The following SIPA1L2 variants were observed in gnomAD, a reference collection of about 807,000 sequenced individuals.
SIPA1L2 encodes signal induced proliferation associated 1 like 2, also known as signal-induced proliferation-associated 1-like protein 2.
SIPA1L2 carries 56 observed loss-of-function variants against 163.9 expected under a neutral mutation model. The observed-to-expected ratio is 0.34, with a 90% CI of 0.28 to 0.43. The LOEUF (loss-of-function observed/expected upper bound fraction) is 0.43. Among genes scored for constraint, SIPA1L2 ranks in the 20% least tolerant of loss-of-function variants. The pLI, the probability that SIPA1L2 is intolerant of heterozygous loss-of-function variation, is 1.00. For synonymous variants in SIPA1L2, 877 were observed against 865.7 expected (o/e 1.01, Z -0.23); for missense variants, 1,974 against 2,193.5 (o/e 0.90, Z 2.00).
At position 232,432,247 on chromosome 1, in the gene SIPA1L2, C is replaced by A; in HGVS notation, c.4256G>T (p.Gly1419Val). 1 of 1,613,168 alleles carries A rather than the reference C, an allele frequency of 6.2e-7. No homozygotes were observed. The highest frequency in any genetic ancestry group is 8.5e-7 in the Non-Finnish European group (1 of 1,179,798). ...PEEPEVTECP[G>V]MYSEMDVMST... Reference sequence around the variant, plus strand: ...AGAGAAGAACAGCCAGCCACCTTACCCGGGACATTCAGTCACTTCAGGCTC... The same window carrying A: ...AGAGAAGAACAGCCAGCCACCTTACACGGGACATTCAGTCACTTCAGGCTC... Residue 1419 changes from glycine (G) to valine (V), a missense_variant and splice_region_variant, in exon 16 of 23, where the codon GGG becomes GTG. Transcript: ENST00000674635.
At chr1:232,402,368 G>A in intron 22 of SIPA1L2, 24 bp downstream of exon 22, 1 of 1,603,358 alleles carries the variant, frequency 6.2e-7, no homozygotes, top group South Asian at 1.1e-5. Context: ...AAACAGTTCT[G>A]ATTATGCTCT....
intron 1 of SIPA1L2, among the ~76,000 whole-genome samples, chr1:232,586,059 C>T (rs1660639027): frequency 6.6e-6 from 1 of 152,170 alleles, no homozygotes; most frequent in Non-Finnish European, 1.5e-5. Flanking sequence ...ATTTACTTAG[C>T]TTGGCTTCAT....
At chr1:232,404,248 C>T (rs1487765819) in intron 19 of SIPA1L2, 70 bp from the exon 20 acceptor site, 7 of 1,430,452 alleles carry the variant, frequency 4.9e-6, no homozygotes, top group Non-Finnish European at 6.8e-6. Context: ...CGGGGGCCCA[C>T]AAAATGCGGC....
At chr1:232,414,764 A>G (rs76621989) in intron 19 of SIPA1L2, among the ~76,000 whole-genome samples, 3,091 of 152,352 alleles carry the variant, frequency 0.02, 51 homozygotes, top group Non-Finnish European at 0.03. Flanking sequence ...GCAAAACGTC[A>G]TAAGTCACGA....
rs187884605 is a variant in SIPA1L2 at position 232,514,484 on chromosome 1, A to T, written c.856T>A (p.Ser286Thr). Reference sequence around the variant, plus strand: ...TTTCGGAAGAGAGATGTTTCCACCGACTCTGATTTCAACCTCCGTTTGAAA... The same window carrying T: ...TTTCGGAAGAGAGATGTTTCCACCGTCTCTGATTTCAACCTCCGTTTGAAA... ...KPFKRRLKSESVETSLFRKLR... is the reference protein window; with the variant it reads ...KPFKRRLKSETVETSLFRKLR... The change falls in exon 3 of 23, where the codon TCG becomes ACG. Residue 286 changes from serine to threonine, a missense_variant. Ser to Thr is a moderately conservative substitution (Grantham distance 58). Transcript: ENST00000674635. 14 of 1,614,114 alleles carry T rather than the reference A, an allele frequency of 8.7e-6. No individual in the cohort carries two copies. In the Admixed American group the frequency reaches 2.3e-4, roughly 27 times the overall value.
intron 2 of SIPA1L2, among the ~76,000 whole-genome samples, chr1:232,572,676 TACACAC>T (rs72373419): frequency 6.6e-4 from 84 of 128,108 alleles, no homozygotes; most frequent in East Asian, 2.9e-3. Flanking sequence ...TATATATATA[TACACAC>T]ACATATACAT....
rs1664217689 is a variant in SIPA1L2, at chr1:232,461,186, GAT to G, written c.2821-27_2821-26del. ...TCTAAGGGGGAAGGAGACTGTTAGA[GAT>G]GCCCTTCCTGCCCAAGCTGCCATGG... On this transcript the variant is annotated intron_variant, in intron 9 of 22. Coordinates refer to ENST00000674635, the MANE Select transcript of SIPA1L2 (RefSeq NM_020808.5). The G allele has an allele frequency of 4.4e-6, 7 of 1,604,882 alleles. 1 individual carries two copies. The South Asian group carries it at 7.8e-5, about 18-fold the overall frequency.
rs1458067553 is a variant in SIPA1L2, at chr1:232,425,596, G to A, written c.4623C>T (p.Ser1541=). Residue 1541 remains serine (S), a synonymous_variant, in exon 18 of 23, where the codon AGC becomes AGT. Coordinates refer to ENST00000674635, the MANE Select transcript of SIPA1L2 (RefSeq NM_020808.5). ...AGCCAGCCCCTCACTTACTTCTCAG[G>A]CTCCCCATGCTGGGTGCGGGGTGGG... ...PRAHPAPSMG[S]LRNEFWFSDG... The A allele has an allele frequency of 9.5e-6, 15 of 1,579,698 alleles. No individual in the cohort carries two copies. Among genetic ancestry groups the A allele is most frequent in the Non-Finnish European group, 1.2e-5 (14 of 1,159,292 alleles).
intron 2 of SIPA1L2, among the ~76,000 whole-genome samples, chr1:232,547,882 G>C (rs2103126202): frequency 1.3e-5 from 2 of 152,236 alleles, no homozygotes; most frequent in Middle Eastern, 6.8e-3. Context: ...CCTGCAGAGT[G>C]TGGCTGACTG....
intron 1 of SIPA1L2, among the ~76,000 whole-genome samples, chr1:232,610,908 C>T (rs1440539120): frequency 6.6e-6 from 1 of 152,166 alleles, no homozygotes; most frequent in East Asian, 1.9e-4. Context: ...AACAATAGGC[C>T]TGAAACCCAG....
chr1:232,528,078 T>G (rs965027922), intron 2 of SIPA1L2, among the ~76,000 whole-genome samples: 3 of 96,118 alleles, frequency 3.1e-5, no homozygotes, highest in African/African-American at 9.7e-5. Flanking sequence ...TAAGCAAGTT[T>G]TATATATATA....
intron 5 of SIPA1L2, among the ~76,000 whole-genome samples, chr1:232,488,556 T>C (rs1665763623): frequency 6.6e-6 from 1 of 152,202 alleles, no homozygotes; most frequent in African/African-American, 2.4e-5. Flanking sequence ...AATGGCACAG[T>C]GTGCTTAAGT....
chr1:232,477,833 A>G (rs1278013627), intron 7 of SIPA1L2, among the ~76,000 whole-genome samples: 2 of 152,230 alleles, frequency 1.3e-5, no homozygotes, highest in African/African-American at 4.8e-5. Context: ...AGGTTGCCAC[A>G]TGTGAAATGC....
At chr1:232,490,844 C>T (rs1665892308) in intron 5 of SIPA1L2, 30 bp downstream of exon 5, 7 of 1,548,768 alleles carry the variant, frequency 4.5e-6, no homozygotes, top group Non-Finnish European at 5.2e-6. Context: ...CAAATTCACA[C>T]ACAAACATAC....
intron 9 of SIPA1L2, chr1:232,462,139 G>A: frequency 8.3e-7 from 1 of 1,208,456 alleles, no homozygotes; most frequent in Non-Finnish European, 1.2e-6. Flanking sequence ...ATGGTGGATT[G>A]CATCCCACTT....
At chr1:232,551,012 C>G (rs1288328831) in intron 2 of SIPA1L2, among the ~76,000 whole-genome samples, 2 of 152,074 alleles carry the variant, frequency 1.3e-5, no homozygotes, top group Non-Finnish European at 2.9e-5. Flanking sequence ...ACAGCAAAGA[C>G]TGGAAAAAAA....
chr1:232,439,581 T>C (rs1662768916), intron 14 of SIPA1L2, 85 bp from the exon 15 acceptor site: 1 of 1,494,346 alleles, frequency 6.7e-7, no homozygotes, highest in Non-Finnish European at 9.0e-7. Flanking sequence ...CTACAAGCCA[T>C]GGGATCGCAC....
intron 1 of SIPA1L2, among the ~76,000 whole-genome samples, chr1:232,598,671 G>A (rs1023530174): frequency 3.9e-5 from 6 of 152,080 alleles, no homozygotes; most frequent in East Asian, 3.9e-4. Context: ...TTCACAGAAC[G>A]TCACCATCTT....
At chr1:232,521,305 C>G (rs144701525) in intron 2 of SIPA1L2, among the ~76,000 whole-genome samples, 13 of 152,330 alleles carry the variant, frequency 8.5e-5, no homozygotes, top group African/African-American at 3.1e-4. Context: ...AGGAATTTCT[C>G]AAGTGACATC....
Sources: gnomAD v4.1 joint callset for allele counts (sites outside exome capture counted in the v4.1 genomes callset) on GRCh38, gnomAD v4.1.1 for gene constraint, MANE v1.5 for transcripts, NCBI Gene and HGNC (gene_info 2026-07-23, HGNC 2026-07-21) for gene names.